SAMD5: variants seen among roughly 807,000 people sequenced by gnomAD.
SAMD5 encodes sterile alpha motif domain containing 5.
Under a neutral mutation model 11.3 loss-of-function variants are expected in SAMD5, and 13 were observed. The ratio of observed to expected loss-of-function variants is 1.15; its 90% CI spans 0.75 to 1.83. SAMD5 has a LOEUF of 1.83. Among genes scored for constraint, SAMD5 ranks in the 40% most tolerant of loss-of-function variants. The pLI is 0.00. For synonymous variants in SAMD5, 129 were observed against 111.3 expected, an observed-to-expected ratio of 1.16 and a Z score of -1.00; for missense variants, 255 against 239.1, an observed-to-expected ratio of 1.07 and a Z score of -0.44.
intron 1 of SAMD5, chr6:147,733,834 GAGTTAAAA>G (rs1791754176): frequency 1.4e-6 from 1 of 722,832 alleles, no homozygotes; most frequent in African/African-American, 1.9e-5. Context: ...GATTTTTGCA[GAGTTAAAA>G]CACTTGGCCT....
chr6:147,611,250 G>A (rs9497817), intron 1 of SAMD5, among the ~76,000 whole-genome samples: 1 of 152,156 alleles, frequency 6.6e-6, no homozygotes, highest in African/African-American at 2.4e-5. Flanking sequence ...AAGTGCAAGA[G>A]AGGAATTTGA....
the SAMD5 span, among the ~76,000 whole-genome samples, chr6:147,751,017 A>G: frequency 6.6e-6 from 1 of 152,178 alleles, no homozygotes; most frequent in Non-Finnish European, 1.5e-5. Flanking sequence ...TGCATTGCTG[A>G]CAGAGTTCTG....
chr6:147,774,931 C>A, the SAMD5 span, among the ~76,000 whole-genome samples: 2 of 152,046 alleles, frequency 1.3e-5, no homozygotes, highest in African/African-American at 4.8e-5. Flanking sequence ...TAGAAACAAC[C>A]AACATACACA....
rs111731087 is a variant in SAMD5, at chr6:147,565,956, C to T, written c.*1500C>T. 25 of 984,720 alleles carry T rather than the reference C, an allele frequency of 2.5e-5. No individual in the cohort carries two copies. The highest frequency in any genetic ancestry group is 6.2e-5 in the Admixed American group (1 of 16,244). The allele number at this position is 984,720 out of a possible 1,614,324, so 61.0% of individuals were successfully genotyped here. A position where few individuals can be genotyped will look rare whatever the true frequency, so the allele number is the denominator to read the frequency against. ...GAATGTACAAGATGTAAGTTCCCAT[C>T]GGCACCGTCATGGTAAGAAGAATAA... On this transcript the variant is annotated 3_prime_UTR_variant, in exon 2 of 2. Transcript: ENST00000367474.
intron 1 of SAMD5, among the ~76,000 whole-genome samples, chr6:147,729,340 C>T (rs1450076162): frequency 1.3e-5 from 2 of 152,152 alleles, no homozygotes; most frequent in Non-Finnish European, 1.5e-5. Context: ...CCAGTGTTTC[C>T]CTTAACTATT....
intron 1 of SAMD5, among the ~76,000 whole-genome samples, chr6:147,649,993 T>C (rs1224411264): frequency 6.6e-6 from 1 of 152,164 alleles, no homozygotes; most frequent in Non-Finnish European, 1.5e-5. Context: ...CAAAATAATT[T>C]ATTGCCTACA....
intron 1 of SAMD5, among the ~76,000 whole-genome samples, chr6:147,607,265 A>T (rs73582967): frequency 0.021 from 3,191 of 152,294 alleles, 112 homozygotes; most frequent in African/African-American, 0.073. Flanking sequence ...TACCCAATAC[A>T]ATCTACAGAT....
intron 1 of SAMD5, among the ~76,000 whole-genome samples, chr6:147,547,472 T>C (rs771714350): frequency 4.2e-4 from 4 of 9,624 alleles, no homozygotes; most frequent in African/African-American, 1.5e-3. Context: ...CTGTTAGCCA[T>C]GGTCCACTCT....
At chr6:147,831,741 C>T in the SAMD5 span, among the ~76,000 whole-genome samples, 1 of 152,116 alleles carries the variant, frequency 6.6e-6, no homozygotes, top group Non-Finnish European at 1.5e-5. Context: ...TCACTTAGGA[C>T]AGCCAATTAT....
At chr6:147,721,557 T>C (rs943221373) in intron 1 of SAMD5, among the ~76,000 whole-genome samples, 1 of 152,214 alleles carries the variant, frequency 6.6e-6, no homozygotes, top group Non-Finnish European at 1.5e-5. Context: ...TTTGTTTTTT[T>C]CTTGTAAATT....
chr6:147,606,151 G>C (rs1037516434), intron 1 of SAMD5, among the ~76,000 whole-genome samples: 2 of 152,070 alleles, frequency 1.3e-5, no homozygotes, highest in African/African-American at 4.8e-5. Flanking sequence ...TCTCTCAGGG[G>C]GATTCCTGCC....
the SAMD5 span, among the ~76,000 whole-genome samples, chr6:147,934,356 T>A: frequency 6.6e-6 from 1 of 152,212 alleles, no homozygotes; most frequent in Non-Finnish European, 1.5e-5. Flanking sequence ...AACATTTGAC[T>A]GTATGTTGTC....
the SAMD5 span, among the ~76,000 whole-genome samples, chr6:147,892,135 G>C: frequency 9.2e-5 from 14 of 152,064 alleles, no homozygotes; most frequent in African/African-American, 3.1e-4. Flanking sequence ...CTCTCTTCCT[G>C]TCTCCCTTCT....
At chr6:147,905,728 G>C in the SAMD5 span, among the ~76,000 whole-genome samples, 1 of 152,122 alleles carries the variant, frequency 6.6e-6, no homozygotes, top group Non-Finnish European at 1.5e-5. Flanking sequence ...AAAATTAATT[G>C]ATTTCAGAGA....
chr6:147,707,134 T>G (rs994896088), intron 1 of SAMD5, among the ~76,000 whole-genome samples: 1 of 152,230 alleles, frequency 6.6e-6, no homozygotes, highest in African/African-American at 2.4e-5. Flanking sequence ...CTTATCATGC[T>G]TAGAAGGAAC....
At chr6:147,798,527 A>G in the SAMD5 span, among the ~76,000 whole-genome samples, 1 of 151,400 alleles carries the variant, frequency 6.6e-6, no homozygotes, top group Non-Finnish European at 1.5e-5. Flanking sequence ...TGTGGTGCTG[A>G]AAAAAATGTA....
chr6:147,655,251 AG>A (rs773728174), intron 1 of SAMD5, among the ~76,000 whole-genome samples: 3 of 152,240 alleles, frequency 2.0e-5, no homozygotes, highest in African/African-American at 7.2e-5. Context: ...AAGTGTAAAA[AG>A]AACACTTGAC....
At chr6:147,707,887 T>C (rs79647011) in intron 1 of SAMD5, among the ~76,000 whole-genome samples, 4 of 152,050 alleles carry the variant, frequency 2.6e-5, no homozygotes, top group Non-Finnish European at 4.4e-5. Flanking sequence ...AGATATGATA[T>C]GGGGTGGGGT....
the SAMD5 span, among the ~76,000 whole-genome samples, chr6:147,850,713 TCAAATCTCATGC>T: frequency 6.6e-6 from 1 of 152,012 alleles, no homozygotes. Flanking sequence ...TTTATAACAT[TCAAATCTCATGC>T]CATCCCACCC....
Sources: allele counts gnomAD v4.1 joint callset (sites outside exome capture counted in the v4.1 genomes callset), GRCh38; gene constraint gnomAD v4.1.1; transcripts MANE v1.5; gene names NCBI Gene and HGNC (gene_info 2026-07-23, HGNC 2026-07-21).